HHIP: variants seen among roughly 807,000 people sequenced by gnomAD.
HHIP encodes the protein hedgehog-interacting protein.
HHIP carries 12 observed loss-of-function variants against 74.0 expected under a neutral mutation model. The observed-to-expected ratio is 0.16, with a 90% CI of 0.10 to 0.26. The LOEUF is 0.26. Ranked by LOEUF, HHIP falls within the 10% of genes least tolerant of loss-of-function variation. HHIP has a pLI of 1.00. For missense variants in HHIP, 788 were observed against 845.0 expected, an observed-to-expected ratio of 0.93 and a Z score of 0.84; for synonymous variants, 309 against 311.6, an observed-to-expected ratio of 0.99 and a Z score of 0.09.
intron 11 of HHIP, among the ~76,000 whole-genome samples, chr4:144,731,246 A>T (rs1041819453): frequency 6.6e-6 from 1 of 152,132 alleles, no homozygotes; most frequent in African/African-American, 2.4e-5. Context: ...CCATATTCTT[A>T]TTAATTTCAT....
intron 4 of HHIP, among the ~76,000 whole-genome samples, chr4:144,661,957 AT>A (rs1246927868): frequency 6.6e-6 from 1 of 152,236 alleles, no homozygotes; most frequent in Non-Finnish European, 1.5e-5. Flanking sequence ...AAATCACAGA[AT>A]TGGTAATACA....
intron 12 of HHIP, among the ~76,000 whole-genome samples, chr4:144,735,600 T>C (rs1047363073): frequency 1.4e-4 from 21 of 152,208 alleles, no homozygotes. Context: ...AAAATGTGTA[T>C]GTTGAAAATG....
At chr4:144,650,342 G>C (rs947906055) in intron 1 of HHIP, among the ~76,000 whole-genome samples, 2 of 152,040 alleles carry the variant, frequency 1.3e-5, no homozygotes, top group African/African-American at 4.8e-5. Flanking sequence ...ATAATGTTTC[G>C]AAGTTTTACG....
rs201200154 is a variant in HHIP at position 144,707,138 on chromosome 4, T to G, written c.1035T>G (p.Val345=). 1.2e-6 allele frequency: 2 copies of G among 1,614,148 alleles called. No individual in the cohort carries two copies. The highest frequency in any genetic ancestry group is 1.7e-5 in the Admixed American group (1 of 60,022). ...DLRTARVFLE[V]AELHRKHLGG... The stretch of plus-strand genomic sequence containing the variant: ...GAACAGCCAGAGTCTTTCTTGAAGT[T>G]GCAGAACTCCACAGAAAGCATCTGG... Residue 345 remains valine (V), a synonymous_variant, in exon 6 of 13, where the codon GTT becomes GTG. Transcript: ENST00000296575.
chr4:144,684,224 A>G (rs1729419983), intron 4 of HHIP, among the ~76,000 whole-genome samples: 1 of 145,548 alleles, frequency 6.9e-6, no homozygotes. Flanking sequence ...ATACAAAAAA[A>G]AAAAAGAATT....
In HHIP at chr4:144,734,862, G is replaced by A. The variant is rs370099703; in HGVS notation, c.1882G>A (p.Gly628Ser). ...CACGGGAAAGTGCTGCTGCAGTCCA[G>A]GCTGGGAGGGGGACTTCTGCAGAAC... ...TPTGKCCCSPGWEGDFCRTAK... is the reference protein window; with the variant it reads ...TPTGKCCCSPSWEGDFCRTAK... Residue 628 changes from glycine (G) to serine (S), a missense_variant, in exon 12 of 13, where the codon GGC (glycine) becomes AGC (serine). By Grantham distance (56) the Gly-to-Ser change is moderately conservative (BLOSUM62 0). Transcript: ENST00000296575. 13 of 1,611,916 alleles carry A rather than the reference G, an allele frequency of 8.1e-6. No homozygotes were observed. The highest frequency in any genetic ancestry group is 1.7e-4 in the Middle Eastern group (1 of 6,052).
intron 11 of HHIP, among the ~76,000 whole-genome samples, chr4:144,728,520 G>C (rs1462701110): frequency 6.6e-6 from 1 of 152,072 alleles, no homozygotes; most frequent in Non-Finnish European, 1.5e-5. Context: ...TATAAATTCA[G>C]AGTTATCCTT....
intron 7 of HHIP, among the ~76,000 whole-genome samples, chr4:144,710,948 C>CCAGT (rs1332669888): frequency 6.6e-6 from 1 of 152,168 alleles, no homozygotes; most frequent in Admixed American, 6.5e-5. Flanking sequence ...CTCCTCATAC[C>CCAGT]CAGTCCCTCA....
intron 10 of HHIP, 186 bp downstream of exon 10, chr4:144,715,616 C>T (rs1162681712): frequency 2.5e-6 from 1 of 404,130 alleles, no homozygotes; most frequent in Admixed American, 4.3e-5. Flanking sequence ...TAACTTTTCC[C>T]TGAGAGCCTT....
At chr4:144,702,399 A>G (rs924981739) in intron 4 of HHIP, among the ~76,000 whole-genome samples, 14 of 152,212 alleles carry the variant, frequency 9.2e-5, no homozygotes, top group Non-Finnish European at 1.8e-4. Flanking sequence ...AATTGCTTTT[A>G]AGAGCTGACT....
At chr4:144,667,140 G>A (rs1199978446) in intron 4 of HHIP, among the ~76,000 whole-genome samples, 8 of 152,202 alleles carry the variant, frequency 5.3e-5, no homozygotes, top group African/African-American at 1.7e-4. Flanking sequence ...CTTGAGGCCA[G>A]GAGTTCAAGA....
rs201190326 is a variant in HHIP at position 144,652,695 on chromosome 4, C to T, written c.370C>T (p.His124Tyr). Reference protein sequence around the residue: ...LCSPHSQSLFHSPEREVLERD... With the variant: ...LCSPHSQSLFYSPEREVLERD... ...CTCTCCACATTCTCAAAGCCTGTTC[C>T]ACTCACCTGAGAGAGAAGTCTTGGA... Residue 124 changes from histidine to tyrosine, a missense_variant, in exon 2 of 13, where the codon CAC (histidine) becomes TAC (tyrosine). This residue lies in a region of HHIP where 373 missense variants were observed against 366.4 expected (regional missense o/e 1.02). Coordinates refer to ENST00000296575, the MANE Select transcript of HHIP (RefSeq NM_022475.3). 1.3e-5 allele frequency: 21 copies of T among 1,610,894 alleles called. No individual in the cohort carries two copies. Among genetic ancestry groups the T allele is most frequent in the Non-Finnish European group, 1.8e-5 (21 of 1,177,300 alleles).
intron 4 of HHIP, among the ~76,000 whole-genome samples, chr4:144,702,391 T>C (rs980398886): frequency 6.6e-6 from 1 of 152,192 alleles, no homozygotes; most frequent in East Asian, 1.9e-4. Context: ...CCCTGTGAAA[T>C]TGCTTTTAAG....
intron 4 of HHIP, among the ~76,000 whole-genome samples, chr4:144,670,764 G>GAAAAAAAAAA (rs1167213848): frequency 1.1e-3 from 59 of 54,854 alleles, no homozygotes; most frequent in Admixed American, 2.1e-3. Flanking sequence ...CTTAAGATTT[G>GAAAAAAAAAA]AAAAAAAAAA....
rs775449360 is a variant in HHIP at position 144,646,649 on chromosome 4, C to G, written c.-27C>G. 3 of 1,603,714 alleles carry G rather than the reference C, an allele frequency of 1.9e-6. No individual in the cohort carries two copies. Among genetic ancestry groups the G allele is most frequent in the Non-Finnish European group, 2.6e-6 (3 of 1,173,592 alleles). On this transcript the variant is annotated 5_prime_UTR_variant, in exon 1 of 13. Transcript: ENST00000296575. The stretch of plus-strand genomic sequence containing the variant: ...TGGCGTTCCCCCCCATCCTCCCGCG[C>G]CCAGCCCCTGCTGCTCTGGGCAGAC...
intron 4 of HHIP, among the ~76,000 whole-genome samples, chr4:144,703,107 G>T (rs980679788): frequency 6.6e-6 from 1 of 151,884 alleles, no homozygotes; most frequent in Non-Finnish European, 1.5e-5. Flanking sequence ...CCAAGTACCC[G>T]GGAGGCTGAG....
At chr4:144,721,938 A>AAAGGAAT (rs1730652202) in intron 11 of HHIP, among the ~76,000 whole-genome samples, 1 of 151,912 alleles carries the variant, frequency 6.6e-6, no homozygotes, top group African/African-American at 2.4e-5. Context: ...AGGAAACAGA[A>AAAGGAAT]AAGGAATTAA....
At chr4:144,677,747 T>C (rs920235347) in intron 4 of HHIP, among the ~76,000 whole-genome samples, 1 of 152,200 alleles carries the variant, frequency 6.6e-6, no homozygotes, top group Non-Finnish European at 1.5e-5. Flanking sequence ...CTGTGCTTCT[T>C]AGTACTGGGC....
chr4:144,652,614 G>T lies in HHIP; in HGVS notation c.289G>T (p.Val97Phe), dbSNP rs79245842. Reference protein sequence around the residue: ...LGRLENKIFSVTNNTECGKLL... With the variant: ...LGRLENKIFSFTNNTECGKLL... ...GATTTATGGCTTTCAGATATTTTCTGTTACCAACAACACAGAATGTGGGAA... is the reference window on the plus strand; with the variant it reads ...GATTTATGGCTTTCAGATATTTTCTTTTACCAACAACACAGAATGTGGGAA... Residue 97 changes from valine to phenylalanine, a missense_variant, in exon 2 of 13, where the codon GTT becomes TTT. Around this residue, in one of 3 missense-constraint regions of HHIP, gnomAD observed 373 missense variants for 366.4 expected, o/e 1.02. Coordinates refer to ENST00000296575, the MANE Select transcript of HHIP (RefSeq NM_022475.3). 6.2e-7 allele frequency: 1 copy of T among 1,600,104 alleles called. No individual in the cohort carries two copies.
Sources: allele counts gnomAD v4.1 joint callset (sites outside exome capture counted in the v4.1 genomes callset), GRCh38; gene constraint gnomAD v4.1.1; regional missense constraint gnomAD v4.1.1; transcripts MANE v1.5; gene names NCBI Gene and HGNC (gene_info 2026-07-23, HGNC 2026-07-21).